The following PCDH15 variants were observed in gnomAD, a reference collection of about 807,000 sequenced individuals.
The protein encoded by PCDH15 is protocadherin-15.
In PCDH15, 129 loss-of-function variants were observed where a neutral mutation model predicts 178.5. The observed-to-expected ratio is 0.72, with a 90% CI of 0.63 to 0.84. PCDH15 has a LOEUF of 0.84. Among genes scored for constraint, PCDH15 ranks in the 40% least tolerant of loss-of-function variants. The pLI, the probability that PCDH15 is intolerant of heterozygous loss-of-function variation, is 0.00. For missense variants in PCDH15, 2,230 were observed against 2,099.9 expected, an observed-to-expected ratio of 1.06 and a Z score of -1.21; for synonymous variants, 800 against 732.0, an observed-to-expected ratio of 1.09 and a Z score of -1.50.
At position 53,840,420 on chromosome 10, in the gene PCDH15, C is replaced by T. The variant is rs750765120; in HGVS notation, c.3883G>A (p.Gly1295Arg). ...TAATCTTCTAGGGAAAAGGCATCTC[C>T]ATGCCGGCGAGCTCCAATGGACTCC... is the stretch of plus-strand genomic sequence containing the variant. The part of the protein sequence containing the change: ...VVESIGARRH[G>R]DAFSLEDYTK... The change falls in exon 29 of 38, where the codon GGA (glycine) becomes AGA (arginine). Residue 1295 changes from glycine (G) to arginine (R), a missense_variant. Coordinates refer to ENST00000644397, the MANE Select transcript of PCDH15 (RefSeq NM_001384140.1). The T allele has an allele frequency of 7.4e-6, 12 of 1,613,882 alleles. No individual in the cohort carries two copies. The East Asian group carries it at 2.5e-4, about 33-fold the overall frequency.
intron 2 of PCDH15, among the ~76,000 whole-genome samples, chr10:55,413,284 G>A (rs557239196): frequency 1.3e-5 from 2 of 149,578 alleles, no homozygotes; most frequent in African/African-American, 4.9e-5. Context: ...TTCAAATCCT[G>A]GCAATAAAAA....
At chr10:55,568,660 A>G (rs964248921) in intron 2 of PCDH15, among the ~76,000 whole-genome samples, 1 of 152,078 alleles carries the variant, frequency 6.6e-6, no homozygotes. Context: ...GACTTCCAAA[A>G]GAGGATTCAA....
At chr10:54,600,096 G>A (rs1746990160) in intron 2 of PCDH15, 3 of 1,025,612 alleles carry the variant, frequency 2.9e-6, no homozygotes, top group Admixed American at 2.0e-5. Flanking sequence ...AGAAGGTAGA[G>A]AAAAAGGAAG....
At chr10:54,098,190 TTGTG>T (rs35596789) in intron 15 of PCDH15, among the ~76,000 whole-genome samples, 21,154 of 142,894 alleles carry the variant, frequency 0.15, 1,578 homozygotes, top group Admixed American at 0.2. Context: ...GAAAATAAAG[TTGTG>T]TGTGTGTGTG....
intron 2 of PCDH15, among the ~76,000 whole-genome samples, chr10:55,043,108 C>T (rs935274816): frequency 6.6e-6 from 1 of 151,842 alleles, no homozygotes. Flanking sequence ...TTTTTAGAAC[C>T]TTTGTTTTCT....
intron 1 of PCDH15, among the ~76,000 whole-genome samples, chr10:54,733,824 T>A (rs183598007): frequency 6.7e-6 from 1 of 150,256 alleles, no homozygotes; most frequent in Non-Finnish European, 1.5e-5. Flanking sequence ...CAAAGTTGCT[T>A]TAAAGACAAT....
intron 2 of PCDH15, among the ~76,000 whole-genome samples, chr10:54,623,162 T>C (rs2093441590): frequency 6.6e-6 from 1 of 152,052 alleles, no homozygotes; most frequent in Admixed American, 6.6e-5. Flanking sequence ...GCTGACTTCT[T>C]GCCCTGAAAT....
At chr10:55,480,617 A>G (rs1431628365) in intron 2 of PCDH15, among the ~76,000 whole-genome samples, 1 of 151,816 alleles carries the variant, frequency 6.6e-6, no homozygotes, top group Admixed American at 6.6e-5. Flanking sequence ...AGCTCAGTTT[A>G]TATGATCAAT....
At chr10:54,220,779 C>T (rs558411797) in intron 9 of PCDH15, among the ~76,000 whole-genome samples, 1 of 151,600 alleles carries the variant, frequency 6.6e-6, no homozygotes, top group East Asian at 2.0e-4. Context: ...GAGCCGAGAT[C>T]GCGCCACTGC....
intron 1 of PCDH15, among the ~76,000 whole-genome samples, chr10:55,240,448 T>C (rs1316980016): frequency 6.6e-6 from 1 of 152,210 alleles, no homozygotes; most frequent in African/African-American, 2.4e-5. Flanking sequence ...TATAAACTGC[T>C]GTTATTATTT....
chr10:54,377,071 A>G (rs1201735014), intron 4 of PCDH15, among the ~76,000 whole-genome samples: 1 of 152,164 alleles, frequency 6.6e-6, no homozygotes, highest in Non-Finnish European at 1.5e-5. Context: ...ATGTATTATA[A>G]ATTTTATGTA....
intron 2 of PCDH15, among the ~76,000 whole-genome samples, chr10:55,516,377 C>T (rs1363424413): frequency 1.3e-5 from 2 of 152,110 alleles, no homozygotes; most frequent in Admixed American, 6.6e-5. Flanking sequence ...GCTCATTAAA[C>T]CTCTTTTTCT....
At chr10:54,822,783 C>T (rs1953067976) in intron 3 of PCDH15, among the ~76,000 whole-genome samples, 1 of 151,912 alleles carries the variant, frequency 6.6e-6, no homozygotes, top group African/African-American at 2.4e-5. Flanking sequence ...TACATCATTG[C>T]CAGCATCCAT....
intron 18 of PCDH15, among the ~76,000 whole-genome samples, chr10:54,051,819 G>C (rs1386632586): frequency 6.6e-6 from 1 of 152,094 alleles, no homozygotes; most frequent in Non-Finnish European, 1.5e-5. Flanking sequence ...CAGAGGACTA[G>C]GAGAGAAATG....
chr10:54,997,166 C>T (rs1591826489), intron 2 of PCDH15, among the ~76,000 whole-genome samples: 2 of 151,158 alleles, frequency 1.3e-5, no homozygotes, highest in East Asian at 3.9e-4. Context: ...AATATTGGTA[C>T]AAAACCTTCA....
At chr10:54,383,945 A>C (rs961271488) in intron 3 of PCDH15, among the ~76,000 whole-genome samples, 3 of 150,870 alleles carry the variant, frequency 2.0e-5, no homozygotes, top group African/African-American at 7.3e-5. Flanking sequence ...CAGCCTCCAT[A>C]ATAGCTGGGA....
chr10:53,909,419 C>T (rs942905633), intron 25 of PCDH15, among the ~76,000 whole-genome samples: 14 of 152,162 alleles, frequency 9.2e-5, no homozygotes, highest in Admixed American at 6.5e-4. Context: ...GTAATTGCTA[C>T]CACTTCACTA....
intron 1 of PCDH15, among the ~76,000 whole-genome samples, chr10:55,229,560 G>A (rs1841152532): frequency 6.6e-6 from 1 of 151,698 alleles, no homozygotes; most frequent in Admixed American, 6.6e-5. Flanking sequence ...CTTTATTGAT[G>A]GTAATTTCTT....
At chr10:54,626,322 C>G (rs1308909931) in intron 2 of PCDH15, among the ~76,000 whole-genome samples, 1 of 152,146 alleles carries the variant, frequency 6.6e-6, no homozygotes, top group East Asian at 1.9e-4. Flanking sequence ...GTCTCCAGGG[C>G]CTGTCAGAGG....
Sources: allele counts gnomAD v4.1 joint callset (sites outside exome capture counted in the v4.1 genomes callset), GRCh38; gene constraint gnomAD v4.1.1; transcripts MANE v1.5; gene names NCBI Gene and HGNC (gene_info 2026-07-23, HGNC 2026-07-21).